The following TMPRSS7 variants were observed in gnomAD, a reference collection of about 807,000 sequenced individuals.
The protein encoded by TMPRSS7 is transmembrane protease serine 7.
Under a neutral mutation model 95.6 loss-of-function variants are expected in TMPRSS7, and 81 were observed. The observed-to-expected ratio is 0.85, with a 90% CI of 0.71 to 1.02. The LOEUF is 1.02. Ranked by LOEUF, TMPRSS7 falls within the 50% of genes least tolerant of loss-of-function variation. The probability of loss-of-function intolerance (pLI) is 0.00; values close to 1 mark genes in which losing one functional copy is unlikely to be tolerated. For synonymous variants in TMPRSS7, 364 were observed against 337.8 expected (o/e 1.08, Z -0.85); for missense variants, 945 against 955.2 (o/e 0.99, Z 0.14).
intron 15 of TMPRSS7, 131 bp downstream of exon 15, chr3:112,075,623 T>C (rs1217844661): frequency 6.3e-6 from 5 of 795,704 alleles, no homozygotes; most frequent in East Asian, 3.1e-5. Context: ...ATTTTTTGGA[T>C]CCCACGTGTG....
intron 9 of TMPRSS7, among the ~76,000 whole-genome samples, chr3:112,053,408 C>G (rs1364832645): frequency 6.6e-6 from 1 of 152,124 alleles, no homozygotes; most frequent in African/African-American, 2.4e-5. Context: ...CTTAAAGATT[C>G]TTCTCTCAAG....
chr3:112,071,549 T>G (rs1004421866), intron 13 of TMPRSS7, among the ~76,000 whole-genome samples: 1 of 152,252 alleles, frequency 6.6e-6, no homozygotes, highest in Non-Finnish European at 1.5e-5. Context: ...GTTTTCCAAC[T>G]TGGTTCCATT....
intron 17 of TMPRSS7, among the ~76,000 whole-genome samples, chr3:112,079,213 G>C (rs914822081): frequency 6.6e-6 from 1 of 152,108 alleles, no homozygotes; most frequent in East Asian, 1.9e-4. Flanking sequence ...AAATTTGAAG[G>C]ATTTTATTTA....
At chr3:112,054,534 G>A (rs1329252844) in intron 9 of TMPRSS7, among the ~76,000 whole-genome samples, 1 of 152,078 alleles carries the variant, frequency 6.6e-6, no homozygotes, top group Non-Finnish European at 1.5e-5. Flanking sequence ...TGTGCAAGGG[G>A]ACTCATTTCT....
At chr3:112,055,630 G>T (rs1348891062) in intron 9 of TMPRSS7, among the ~76,000 whole-genome samples, 1 of 152,050 alleles carries the variant, frequency 6.6e-6, no homozygotes, top group Non-Finnish European at 1.5e-5. Flanking sequence ...ATGACAAAAT[G>T]AACTAAAAAG....
chr3:112,036,965 T>C (rs2073153663), intron 1 of TMPRSS7, among the ~76,000 whole-genome samples: 1 of 152,236 alleles, frequency 6.6e-6, no homozygotes, highest in South Asian at 2.1e-4. Flanking sequence ...CCTATGACTG[T>C]CTTTACTTTA....
At chr3:112,073,461 G>A (rs984081984) in intron 13 of TMPRSS7, among the ~76,000 whole-genome samples, 1 of 152,068 alleles carries the variant, frequency 6.6e-6, no homozygotes, top group Non-Finnish European at 1.5e-5. Context: ...TCTCATTGTG[G>A]TTTTGATTTG....
intron 13 of TMPRSS7, 88 bp from the exon 14 acceptor site, chr3:112,074,208 A>G: frequency 2.2e-6 from 2 of 902,096 alleles, no homozygotes; most frequent in Non-Finnish European, 3.5e-6. Context: ...ACCATTTTTT[A>G]TGGGGTTTGG....
At chr3:112,052,132 G>C (rs887637057) in intron 9 of TMPRSS7, among the ~76,000 whole-genome samples, 5 of 152,034 alleles carry the variant, frequency 3.3e-5, no homozygotes, top group African/African-American at 1.2e-4. Context: ...GAAAAATAAA[G>C]CAGGGAAGGG....
chr3:112,075,455 T>C, exon 15 of TMPRSS7: 1 of 1,526,924 alleles, frequency 6.5e-7, no homozygotes, highest in Non-Finnish European at 8.8e-7. Context: ...CTCCAGGGAG[T>C]GGCTTCTTTC....
chr3:112,072,029 CT>C (rs1255990809), intron 13 of TMPRSS7, among the ~76,000 whole-genome samples: 1 of 152,188 alleles, frequency 6.6e-6, no homozygotes, highest in African/African-American at 2.4e-5. Context: ...AAGAGGCGCT[CT>C]GGTTTTTAGA....
Position 112,049,758 on chromosome 3 carries a change from G to A in TMPRSS7, c.960-86G>A, listed in dbSNP as rs998793007. 3.4e-6 allele frequency: 4 copies of A among 1,174,448 alleles called. No homozygotes were observed. The East Asian group carries it at 1.0e-4, about 29-fold the overall frequency. The allele number at this position is 1,174,448 out of a possible 1,614,324, so 72.8% of individuals were successfully genotyped here. A position where few individuals can be genotyped will look rare whatever the true frequency, so the allele number is the denominator to read the frequency against. On this transcript the variant is annotated intron_variant, in intron 7 of 17. Coordinates refer to ENST00000452346, the Ensembl canonical transcript of TMPRSS7. The stretch of plus-strand genomic sequence containing the variant: ...GTGGATGGATTGAATGGATGGCCCA[G>A]GAAATGTGTGGAATCGTTTTGAATG...
Position 112,075,390 on chromosome 3 carries a change from CG to C in TMPRSS7, c.1854del (p.Trp619GlyfsTer59), listed in dbSNP as rs771364176. On this transcript the variant is annotated frameshift_variant, in exon 15 of 18. Coordinates refer to ENST00000452346, the Ensembl canonical transcript of TMPRSS7. LOFTEE classifies it high-confidence loss of function. ...ACAGACACCCTGGAGGGGGGTTGGC[CG>C]TGGCAGGTCAGCCTCCACTTTGTTG... 1.3e-6 allele frequency: 2 copies of C among 1,527,724 alleles called. No homozygotes were observed. Among genetic ancestry groups the C allele is most frequent in the Non-Finnish European group, 1.8e-6 (2 of 1,134,732 alleles). 94.6% of individuals were successfully genotyped at this position (1,527,724 alleles called of 1,614,324 possible). A position where few individuals can be genotyped will look rare whatever the true frequency, so the allele number is the denominator to read the frequency against.
intron 10 of TMPRSS7, among the ~76,000 whole-genome samples, chr3:112,060,493 C>G (rs951205656): frequency 1.3e-5 from 2 of 152,186 alleles, no homozygotes; most frequent in East Asian, 3.8e-4. Flanking sequence ...GGGGCACATT[C>G]TCTTTCTTAG....
rs1300282330 is a variant in TMPRSS7 at position 112,055,454 on chromosome 3, G to C, written c.1204-1571G>C. On this transcript the variant is annotated intron_variant, in intron 9 of 17. Coordinates refer to ENST00000452346, the Ensembl canonical transcript of TMPRSS7. The stretch of plus-strand genomic sequence containing the variant: ...TTGGAAACAAGCAAACACTTGCGCA[G>C]ACACACACACAGACACACACACACA... Among the ~76,000 whole-genome samples, 11 of 148,956 alleles carry C rather than the reference G, an allele frequency of 7.4e-5. No homozygotes were observed. The South Asian group carries it at 1.3e-3, about 18-fold the overall frequency.
chr3:112,060,111 A>C (rs1387525160), intron 10 of TMPRSS7, among the ~76,000 whole-genome samples: 2 of 152,210 alleles, frequency 1.3e-5, no homozygotes, highest in Admixed American at 1.3e-4. Context: ...AAAAGCAGCA[A>C]GTTTTTATTA....
chr3:112,041,985 C>A lies in TMPRSS7; in HGVS notation c.364C>A (p.Leu122Ile), dbSNP rs1457181057. The A allele has an allele frequency of 1.3e-6, 2 of 1,551,660 alleles. No individual in the cohort carries two copies. Among genetic ancestry groups the A allele is most frequent in the Admixed American group, 2.0e-5 (1 of 50,988 alleles). The change falls in exon 3 of 18, where the codon CTT (leucine) becomes ATT (isoleucine). Residue 122 changes from leucine to isoleucine, a missense_variant. Leu to Ile is a conservative substitution (Grantham distance 5). Transcript: ENST00000452346. ...GTTTCGCATCACCAACATTGAGTTT[C>A]TTCCCGAATACCGACAAAAGGAGTC...
At chr3:112,053,108 C>A (rs1258176445) in intron 9 of TMPRSS7, among the ~76,000 whole-genome samples, 2 of 151,494 alleles carry the variant, frequency 1.3e-5, no homozygotes, top group African/African-American at 4.9e-5. Context: ...TTGAAAACAT[C>A]AGGGCATGTT....
intron 13 of TMPRSS7, 56 bp downstream of exon 13, chr3:112,066,558 G>A: frequency 6.6e-7 from 1 of 1,508,544 alleles, no homozygotes; most frequent in Non-Finnish European, 9.2e-7. Flanking sequence ...TTCTAAATCA[G>A]GACAAAAATA....
Sources: gnomAD v4.1 joint callset for allele counts (sites outside exome capture counted in the v4.1 genomes callset) on GRCh38, gnomAD v4.1.1 for gene constraint, MANE v1.5 for transcripts, NCBI Gene and HGNC (gene_info 2026-07-23, HGNC 2026-07-21) for gene names.